Variants in SVEP1 observed in about 807,000 individuals in gnomAD.
The protein encoded by SVEP1 is sushi, von Willebrand factor type A, EGF and pentraxin domain-containing protein 1.
Under a neutral mutation model 367.3 loss-of-function variants are expected in SVEP1, and 164 were observed. That is an observed-to-expected ratio of 0.45 (90% confidence interval 0.39 to 0.51). The LOEUF is 0.51. Ranked by LOEUF, SVEP1 falls within the 20% of genes least tolerant of loss-of-function variation. The pLI is 0.00. For missense variants in SVEP1, 4,117 were observed against 4,425.3 expected, an observed-to-expected ratio of 0.93 and a Z score of 1.98; for synonymous variants, 1,666 against 1,611.6, an observed-to-expected ratio of 1.03 and a Z score of -0.81.
At chr9:110,494,021 A>G (rs7021157) in intron 8 of SVEP1, among the ~76,000 whole-genome samples, 8,335 of 152,136 alleles carry the variant, frequency 0.055, 248 homozygotes, top group African/African-American at 0.1. Flanking sequence ...TCGCTCTGTA[A>G]CCACAGCTGG....
intron 9 of SVEP1, among the ~76,000 whole-genome samples, chr9:110,488,224 G>A (rs1175365053): frequency 6.6e-6 from 1 of 152,140 alleles, no homozygotes; most frequent in Non-Finnish European, 1.5e-5. Flanking sequence ...AAATAATTTA[G>A]GTTTAGGTGA....
chr9:110,375,349 A>C lies in SVEP1; in HGVS notation c.10600+19T>G, dbSNP rs1435970230. On this transcript the variant is annotated intron_variant, in intron 46 of 47. Coordinates refer to ENST00000374469, the MANE Select transcript of SVEP1 (RefSeq NM_153366.4). ...ATGGGCCTGAGCCACCAAGAAAACA[A>C]ACCATGAAAGAGGCCTACCTGTATG... 6.5e-7 allele frequency: 1 copy of C among 1,546,240 alleles called. No individual in the cohort carries two copies. The highest frequency in any genetic ancestry group is 8.7e-7 in the Non-Finnish European group (1 of 1,145,100).
intron 1 of SVEP1, among the ~76,000 whole-genome samples, chr9:110,568,297 T>C (rs888253904): frequency 6.6e-6 from 1 of 152,228 alleles, no homozygotes; most frequent in African/African-American, 2.4e-5. Flanking sequence ...AGAGTGCACA[T>C]AGTTTATGAA....
rs192809357 is a variant in SVEP1 at position 110,434,883 on chromosome 9, C to T, written c.4888+358G>A. On this transcript the variant is annotated intron_variant, in intron 29 of 47. Transcript: ENST00000374469. ...ATCCATCGCTTTTCTCCCTGTGCTACCTGTTCCTAGATACCTTCTACAAAT... is the reference window on the plus strand; with the variant it reads ...ATCCATCGCTTTTCTCCCTGTGCTATCTGTTCCTAGATACCTTCTACAAAT... 1.8e-3 allele frequency among the ~76,000 whole-genome samples: 274 copies of T among 151,872 alleles called. 1 individual carries two copies. Among genetic ancestry groups the T allele is most frequent in the South Asian group, 0.014 (67 of 4,796 alleles).
intron 5 of SVEP1, among the ~76,000 whole-genome samples, chr9:110,509,855 T>C (rs1829681406): frequency 6.6e-6 from 1 of 152,250 alleles, no homozygotes; most frequent in South Asian, 2.1e-4. Flanking sequence ...ATAATGAATT[T>C]GGTTTAGCAG....
intron 9 of SVEP1, among the ~76,000 whole-genome samples, chr9:110,486,227 C>A (rs887966274): frequency 2.6e-5 from 4 of 152,154 alleles, no homozygotes; most frequent in African/African-American, 9.7e-5. Flanking sequence ...ACTATTTTGC[C>A]AAAAGAAATG....
chr9:110,380,518 A>G (rs72762683), intron 43 of SVEP1, among the ~76,000 whole-genome samples: 15,757 of 152,250 alleles, frequency 0.1, 969 homozygotes, highest in Admixed American at 0.16. Flanking sequence ...ATGTTAAACC[A>G]GCCTTGCATC....
At chr9:110,482,587 C>A in intron 10 of SVEP1, 95 bp from the exon 11 acceptor site, 1 of 1,420,002 alleles carries the variant, frequency 7.0e-7, no homozygotes, top group Non-Finnish European at 9.4e-7. Context: ...AGTGCAATGG[C>A]ATGATCTCGG....
chr9:110,369,193 G>A (rs1482719294), intron 47 of SVEP1, among the ~76,000 whole-genome samples: 1 of 152,060 alleles, frequency 6.6e-6, no homozygotes, highest in African/African-American at 2.4e-5. Context: ...TTTATCTGTG[G>A]TATGTCACAA....
intron 13 of SVEP1, among the ~76,000 whole-genome samples, chr9:110,477,382 T>C (rs147734735): frequency 6.6e-6 from 1 of 152,302 alleles, no homozygotes; most frequent in African/African-American, 2.4e-5. Flanking sequence ...ACACTTAACC[T>C]TGGTTAAATT....
At chr9:110,502,843 A>G (rs532613897) in intron 6 of SVEP1, among the ~76,000 whole-genome samples, 195 bp downstream of exon 6, 25 of 151,044 alleles carry the variant, frequency 1.7e-4, no homozygotes, top group Non-Finnish European at 2.7e-4. Flanking sequence ...AATTCATTGT[A>G]GAAGTTCCTT....
Position 110,481,276 on chromosome 9 carries a change from T to C in SVEP1, c.2331A>G (p.Lys777=). Reference sequence around the variant, plus strand: ...CTGGCCATTCAGTGGTATATGTTGGTTTCCAGACGCCATCTTCATAAGCAC... The same window carrying C: ...CTGGCCATTCAGTGGTATATGTTGGCTTCCAGACGCCATCTTCATAAGCAC... ...YYCAYEDGVW[K]PTYTTEWPDC... The change falls in exon 12 of 48, where the codon AAA becomes AAG. Residue 777 remains lysine, a synonymous_variant. Transcript: ENST00000374469. 6.2e-7 allele frequency: 1 copy of C among 1,603,490 alleles called. No homozygotes were observed. Among genetic ancestry groups the C allele is most frequent in the Non-Finnish European group, 8.5e-7 (1 of 1,174,828 alleles).
At chr9:110,495,125 C>T (rs1437240365) in intron 8 of SVEP1, among the ~76,000 whole-genome samples, 3 of 152,046 alleles carry the variant, frequency 2.0e-5, no homozygotes, top group African/African-American at 4.8e-5. Context: ...AATGAATTGC[C>T]CCCTCTTTTC....
chr9:110,451,104 T>C (rs1442452054), intron 23 of SVEP1, among the ~76,000 whole-genome samples, 185 bp downstream of exon 23: 2 of 152,168 alleles, frequency 1.3e-5, no homozygotes, highest in Non-Finnish European at 2.9e-5. Flanking sequence ...ATTGCAGACC[T>C]GCATGCCCTT....
intron 3 of SVEP1, among the ~76,000 whole-genome samples, chr9:110,542,432 T>C (rs1830163224): frequency 6.6e-6 from 1 of 152,176 alleles, no homozygotes; most frequent in Non-Finnish European, 1.5e-5. Flanking sequence ...TGAGGATAAA[T>C]ACTCAGAATT....
chr9:110,494,756 GT>G (rs1022727129), intron 8 of SVEP1, among the ~76,000 whole-genome samples: 66 of 150,972 alleles, frequency 4.4e-4, no homozygotes, highest in Admixed American at 1.4e-3. Context: ...ATATAGTGGG[GT>G]TTTTTTCCCC....
At chr9:110,510,481 T>C (rs1340477733) in intron 5 of SVEP1, among the ~76,000 whole-genome samples, 2 of 152,130 alleles carry the variant, frequency 1.3e-5, no homozygotes, top group Non-Finnish European at 2.9e-5. Flanking sequence ...GATGCACGTG[T>C]AGAGGTCACC....
intron 13 of SVEP1, among the ~76,000 whole-genome samples, 189 bp downstream of exon 13, chr9:110,479,446 T>C (rs1480433926): frequency 6.6e-6 from 1 of 152,226 alleles, no homozygotes; most frequent in Non-Finnish European, 1.5e-5. Flanking sequence ...GATTCAAAAA[T>C]GTTTTAATGC....
chr9:110,555,311 A>G (rs1830343336), intron 1 of SVEP1, among the ~76,000 whole-genome samples: 3 of 152,120 alleles, frequency 2.0e-5, no homozygotes, highest in Non-Finnish European at 4.4e-5. Context: ...TTCTTCAATG[A>G]ATGAATGAAT....
Sources: gnomAD v4.1 joint callset for allele counts (sites outside exome capture counted in the v4.1 genomes callset) on GRCh38, gnomAD v4.1.1 for gene constraint, MANE v1.5 for transcripts, NCBI Gene and HGNC (gene_info 2026-07-23, HGNC 2026-07-21) for gene names.